FLT1: variants seen among roughly 807,000 people sequenced by gnomAD.
The protein encoded by FLT1 is vascular endothelial growth factor receptor 1.
Under a neutral mutation model 156.3 loss-of-function variants are expected in FLT1, and 49 were observed. The observed-to-expected ratio is 0.31, with a 90% CI of 0.25 to 0.40. FLT1 has a LOEUF of 0.40. FLT1 is among the 10% of genes least tolerant of loss of function. The pLI is 1.00. For missense variants in FLT1, 1,322 were observed against 1,637.2 expected, an observed-to-expected ratio of 0.81 and a Z score of 3.32; for synonymous variants, 594 against 583.8, an observed-to-expected ratio of 1.02 and a Z score of -0.25.
At chr13:28,462,198 T>C (rs17628266) in intron 3 of FLT1, among the ~76,000 whole-genome samples, 10,945 of 152,260 alleles carry the variant, frequency 0.072, 644 homozygotes, top group Admixed American at 0.18. Context: ...CTGACAAGTG[T>C]TAACTACTTC....
chr13:28,410,654 C>T (rs925724394), intron 10 of FLT1, among the ~76,000 whole-genome samples: 2 of 152,148 alleles, frequency 1.3e-5, no homozygotes, highest in Non-Finnish European at 2.9e-5. Flanking sequence ...TGATTCTTGG[C>T]TGCTTGAAGG....
intron 3 of FLT1, among the ~76,000 whole-genome samples, chr13:28,453,700 T>C (rs1373401740): frequency 6.6e-6 from 1 of 152,238 alleles, no homozygotes; most frequent in Non-Finnish European, 1.5e-5. Flanking sequence ...ACCCCCACAT[T>C]TGTCTCATTT....
chr13:28,302,960 G>A lies in FLT1; in HGVS notation c.*207C>T. 3 of 588,818 alleles carry A rather than the reference G, an allele frequency of 5.1e-6. No homozygotes were observed. Among genetic ancestry groups the A allele is most frequent in the South Asian group, 2.1e-5 (1 of 48,722 alleles). 36.5% of individuals were successfully genotyped at this position (588,818 alleles called of 1,614,324 possible). A position where few individuals can be genotyped will look rare whatever the true frequency, so the allele number is the denominator to read the frequency against. ...AGTAACATGAGGATTTAGCAGTAGT[G>A]TTCTTCACTTGTCACTATTTCTCTA... is the stretch of plus-strand genomic sequence containing the variant. On this transcript the variant is annotated 3_prime_UTR_variant, in exon 30 of 30. Transcript: ENST00000282397.
At chr13:28,392,526 C>A (rs1874801362) in intron 12 of FLT1, among the ~76,000 whole-genome samples, 1 of 152,142 alleles carries the variant, frequency 6.6e-6, no homozygotes, top group Non-Finnish European at 1.5e-5. Context: ...GTAGTTAGAA[C>A]CCAAGTGAGC....
intron 14 of FLT1, among the ~76,000 whole-genome samples, chr13:28,362,588 G>T (rs1873150055): frequency 6.6e-6 from 1 of 152,176 alleles, no homozygotes. Flanking sequence ...GGAGGCCGAG[G>T]TGGGCAGATC....
intron 1 of FLT1, among the ~76,000 whole-genome samples, chr13:28,485,115 T>G (rs1452468319): frequency 2.0e-5 from 3 of 152,198 alleles, no homozygotes; most frequent in Non-Finnish European, 4.4e-5. Context: ...TTTAAATGCC[T>G]AATAAATATA....
intron 17 of FLT1, among the ~76,000 whole-genome samples, chr13:28,338,817 T>C (rs188736410): frequency 6.6e-6 from 1 of 152,236 alleles, no homozygotes; most frequent in African/African-American, 2.4e-5. Context: ...GTAATGCCTC[T>C]CTCTCCGCCG....
intron 13 of FLT1, chr13:28,386,615 T>C: frequency 3.8e-6 from 4 of 1,056,162 alleles, no homozygotes; most frequent in Non-Finnish European, 3.4e-6. Context: ...ATTTCTGTTT[T>C]TGCATTGGAT....
intron 25 of FLT1, among the ~76,000 whole-genome samples, chr13:28,314,544 C>T (rs1871129157): frequency 6.6e-6 from 1 of 152,144 alleles, no homozygotes; most frequent in Non-Finnish European, 1.5e-5. Context: ...GAGACATTAG[C>T]TTGCATCCAA....
At chr13:28,369,927 C>T (rs1341344699) in intron 14 of FLT1, among the ~76,000 whole-genome samples, 2 of 152,236 alleles carry the variant, frequency 1.3e-5, no homozygotes, top group East Asian at 3.9e-4. Flanking sequence ...AGGCCGGGTG[C>T]AGTGGCTCAT....
At chr13:28,366,109 A>ATT (rs111613994) in intron 14 of FLT1, among the ~76,000 whole-genome samples, 2 of 150,848 alleles carry the variant, frequency 1.3e-5, no homozygotes, top group African/African-American at 4.9e-5. Context: ...AGAAATTTGA[A>ATT]TTTTTTTTTT....
Position 28,395,837 on chromosome 13 carries a change from C to T in FLT1, c.1660+1123G>A, listed in dbSNP as rs148350034. Among the ~76,000 whole-genome samples the T allele has an allele frequency of 2.5e-4, 38 of 152,290 alleles. No individual in the cohort carries two copies. The East Asian group carries it at 7.1e-3, about 29-fold the overall frequency. ...AGTGCTCAGTAGAGTTGAACTGTAC[C>T]ATTTAACAGTGCTGATTAAACTGTT... On this transcript the variant is annotated intron_variant, in intron 12 of 29. Transcript: ENST00000282397.
At chr13:28,438,866 T>A (rs1464785183) in intron 3 of FLT1, among the ~76,000 whole-genome samples, 2 of 152,206 alleles carry the variant, frequency 1.3e-5, no homozygotes, top group Admixed American at 1.3e-4. Context: ...TTTTCTAGAC[T>A]TTTCCTCGGA....
At chr13:28,388,354 G>C in intron 13 of FLT1, 1 of 1,057,978 alleles carries the variant, frequency 9.5e-7, no homozygotes, top group Non-Finnish European at 1.1e-6. Context: ...GGAGGAAACA[G>C]TCTGGTGAGT....
In FLT1 at chr13:28,322,812, C is replaced by T; in HGVS notation, c.2931G>A (p.Leu977=). 1.9e-6 allele frequency: 3 copies of T among 1,614,118 alleles called. No homozygotes were observed. The highest frequency in any genetic ancestry group is 1.1e-5 in the South Asian group (1 of 91,076). Reference sequence around the variant, plus strand: ...TACCCTCCTCTTCCTCAACATCACTCAGACTTTTATCTTCCTGAAAGCCGG... The same window carrying T: ...TACCCTCCTCTTCCTCAACATCACTTAGACTTTTATCTTCCTGAAAGCCGG... ...ASSGFQEDKS[L]SDVEEEEDSD... is the part of the protein sequence containing the mutation. Residue 977 remains leucine, a synonymous_variant, in exon 21 of 30, where the codon CTG becomes CTA. Transcript: ENST00000282397. The surrounding 1 kb of genome is among the most constrained non-coding windows in gnomAD (Gnocchi z 4.3).
intron 1 of FLT1, among the ~76,000 whole-genome samples, chr13:28,471,470 T>C (rs867889578): frequency 1.3e-5 from 2 of 152,226 alleles, no homozygotes; most frequent in African/African-American, 4.8e-5. Context: ...CCTATCTGAG[T>C]AACAAAGATT....
At chr13:28,330,619 G>C (rs1399512915) in intron 18 of FLT1, among the ~76,000 whole-genome samples, 3 of 147,390 alleles carry the variant, frequency 2.0e-5, no homozygotes, top group Non-Finnish European at 3.0e-5. Context: ...ATATATATAT[G>C]ATATATATGA....
At chr13:28,458,611 C>T (rs1879398673) in intron 3 of FLT1, among the ~76,000 whole-genome samples, 1 of 152,228 alleles carries the variant, frequency 6.6e-6, no homozygotes, top group African/African-American at 2.4e-5. Flanking sequence ...AGCAAGTCTA[C>T]CAATGTGAGT....
chr13:28,321,314 G>T, intron 23 of FLT1, 149 bp downstream of exon 23: 1 of 965,840 alleles, frequency 1.0e-6, no homozygotes, highest in Non-Finnish European at 1.6e-6. Flanking sequence ...AGGGCTCTCT[G>T]GGATGCCGCT....
Sources: allele counts gnomAD v4.1 joint callset (sites outside exome capture counted in the v4.1 genomes callset), GRCh38; gene constraint gnomAD v4.1.1; non-coding constraint Gnocchi (gnomAD v3.1); transcripts MANE v1.5; gene names NCBI Gene and HGNC (gene_info 2026-07-23, HGNC 2026-07-21).